The following SUZ12 variants were observed in gnomAD, a reference collection of about 807,000 sequenced individuals.
The protein encoded by SUZ12 is polycomb protein SUZ12.
Under a neutral mutation model 87.3 loss-of-function variants are expected in SUZ12, and 17 were observed. That is an observed-to-expected ratio of 0.19 (90% CI 0.13 to 0.29). The LOEUF (loss-of-function observed/expected upper bound fraction) is 0.29, where lower values mean the gene tolerates loss of function less well. Among genes scored for constraint, SUZ12 ranks in the 10% least tolerant of loss-of-function variants. The pLI, the probability that SUZ12 is intolerant of heterozygous loss-of-function variation, is 1.00. For synonymous variants in SUZ12, 253 were observed against 312.4 expected, an observed-to-expected ratio of 0.81 and a Z score of 2.01; for missense variants, 526 against 912.2, an observed-to-expected ratio of 0.58 and a Z score of 5.45.
At chr17:31,962,367 G>C (rs186812409) in intron 4 of SUZ12, among the ~76,000 whole-genome samples, 3 of 152,304 alleles carry the variant, frequency 2.0e-5, no homozygotes, top group Admixed American at 2.0e-4. Context: ...GAGGCAGGTG[G>C]ATCTCTTGAT....
chr17:31,940,712 T>A (rs1255226274), intron 3 of SUZ12, among the ~76,000 whole-genome samples: 3 of 151,832 alleles, frequency 2.0e-5, no homozygotes, highest in Non-Finnish European at 4.4e-5. Flanking sequence ...TTTTTTTTTT[T>A]ATCCTCTAAT....
At chr17:31,958,944 G>A (rs1907533845) in intron 4 of SUZ12, among the ~76,000 whole-genome samples, 1 of 152,236 alleles carries the variant, frequency 6.6e-6, no homozygotes, top group East Asian at 1.9e-4. Flanking sequence ...CTTGAACCCA[G>A]GAGGTGGAGG....
intron 1 of SUZ12, among the ~76,000 whole-genome samples, chr17:31,939,010 A>G (rs1325422336): frequency 6.6e-6 from 1 of 152,212 alleles, no homozygotes; most frequent in African/African-American, 2.4e-5. Flanking sequence ...CGTGACACTA[A>G]TAGGTCATTA....
At chr17:31,946,323 G>C (rs2627072) in intron 3 of SUZ12, among the ~76,000 whole-genome samples, 2 of 152,084 alleles carry the variant, frequency 1.3e-5, no homozygotes, top group East Asian at 1.9e-4. Context: ...CACCTGAGGT[G>C]AGGAGTTCAA....
chr17:31,981,751 AT>A (rs1270577727), intron 8 of SUZ12, among the ~76,000 whole-genome samples: 1 of 152,198 alleles, frequency 6.6e-6, no homozygotes, highest in East Asian at 1.9e-4. Context: ...ACCTGGATTC[AT>A]TTGCTGGATC....
intron 8 of SUZ12, among the ~76,000 whole-genome samples, chr17:31,980,423 C>A (rs1226802807): frequency 8.0e-6 from 1 of 125,132 alleles, no homozygotes; most frequent in Non-Finnish European, 1.7e-5. Context: ...CCAGAATCAC[C>A]TTCTCCTTTT....
chr17:31,952,853 G>A (rs758067565), intron 4 of SUZ12, among the ~76,000 whole-genome samples: 3 of 152,024 alleles, frequency 2.0e-5, no homozygotes, highest in African/African-American at 4.8e-5. Context: ...GTGTGGCACC[G>A]TGCCTGTCCC....
chr17:31,950,906 G>A (rs1598152181), intron 4 of SUZ12, among the ~76,000 whole-genome samples: 1 of 151,808 alleles, frequency 6.6e-6, no homozygotes, highest in Non-Finnish European at 1.5e-5. Flanking sequence ...TCAGCCTCCC[G>A]AGTAGCTGGG....
At chr17:31,960,454 C>T (rs1474279205) in intron 4 of SUZ12, among the ~76,000 whole-genome samples, 1 of 152,032 alleles carries the variant, frequency 6.6e-6, no homozygotes, top group Non-Finnish European at 1.5e-5. Context: ...TGTGATCTGC[C>T]CGCCTCGGCC....
At chr17:31,940,710 T>C (rs532367642) in intron 3 of SUZ12, among the ~76,000 whole-genome samples, 1 of 152,068 alleles carries the variant, frequency 6.6e-6, no homozygotes, top group East Asian at 1.9e-4. Context: ...GCTTTTTTTT[T>C]TTATCCTCTA....
chr17:31,945,558 C>T (rs568969777), intron 3 of SUZ12, among the ~76,000 whole-genome samples: 8 of 152,286 alleles, frequency 5.3e-5, no homozygotes, highest in African/African-American at 1.2e-4. Flanking sequence ...TGCTCCTTTT[C>T]GATGACCTTT....
Position 31,999,087 on chromosome 17 carries a change from A to G in SUZ12, c.*84A>G. 1 of 1,223,678 alleles carries G rather than the reference A, an allele frequency of 8.2e-7. No individual in the cohort carries two copies. The highest frequency in any genetic ancestry group is 1.1e-6 in the Non-Finnish European group (1 of 906,930). The allele number at this position is 1,223,678 out of a possible 1,614,324, so 75.8% of individuals were successfully genotyped here. A position where few individuals can be genotyped will look rare whatever the true frequency, so the allele number is the denominator to read the frequency against. On this transcript the variant is annotated 3_prime_UTR_variant, in exon 16 of 16. Transcript: ENST00000322652. ...TCTAAGAATTATGTTTTTGTTTTTA[A>G]TCATATGTTCCAAACAGGCACTGTT...
In SUZ12 at chr17:31,995,666, C is replaced by T. The variant is rs11551268; in HGVS notation, c.1698C>T (p.Phe566=). The T allele has an allele frequency of 6.2e-7, 1 of 1,613,816 alleles. No individual in the cohort carries two copies. Among genetic ancestry groups the T allele is most frequent in the Admixed American group, 1.7e-5 (1 of 60,016 alleles). The part of the protein sequence containing the change: ...TYSSGHNRLY[F]HSDTCLPLRP... ...GTAGTGGCCACAATCGTCTGTATTT[C>T]CATAGTGATACCTGCTTACCTCTCC... Residue 566 remains phenylalanine, a synonymous_variant, in exon 14 of 16, where the codon TTC becomes TTT. Transcript: ENST00000322652.
chr17:31,947,383 G>A (rs1598149525), intron 3 of SUZ12, among the ~76,000 whole-genome samples: 1 of 152,204 alleles, frequency 6.6e-6, no homozygotes, highest in Middle Eastern at 3.4e-3. Context: ...GGGAATAATT[G>A]GGTAAAAGGT....
At chr17:31,955,046 A>G (rs1228654117) in intron 4 of SUZ12, among the ~76,000 whole-genome samples, 1 of 152,116 alleles carries the variant, frequency 6.6e-6, no homozygotes, top group Non-Finnish European at 1.5e-5. Flanking sequence ...GAGTGCAGTG[A>G]TAGGTTCATA....
At position 31,979,103 on chromosome 17, in the gene SUZ12, C is replaced by CAAAAAAA. The variant is rs61307349; in HGVS notation, c.917+2505_917+2511dup. On this transcript the variant is annotated intron_variant, in intron 8 of 15. Coordinates refer to ENST00000322652, the MANE Select transcript of SUZ12 (RefSeq NM_015355.4). ...CCTGGTGACAGCGAGACTGTGTCTC[C>CAAAAAAA]AAAAAAAAAAAAAAAAAAAAAAGAA... Among the ~76,000 whole-genome samples the CAAAAAAA allele has an allele frequency of 2.7e-3, 174 of 65,180 alleles. 1 individual carries two copies. Among genetic ancestry groups the CAAAAAAA allele is most frequent in the African/African-American group, 3.7e-3 (83 of 22,258 alleles). The allele number at this position is 65,180 out of a possible 152,430, so 42.8% of individuals were successfully genotyped here. A position where few individuals can be genotyped will look rare whatever the true frequency, so the allele number is the denominator to read the frequency against.
chr17:31,964,237 G>T (rs957612249), intron 4 of SUZ12, among the ~76,000 whole-genome samples: 2 of 151,910 alleles, frequency 1.3e-5, no homozygotes, highest in African/African-American at 2.4e-5. Flanking sequence ...GTGTTAGCCA[G>T]GATAGTCTTC....
At chr17:31,987,334 C>A (rs76481064) in intron 9 of SUZ12, among the ~76,000 whole-genome samples, 1 of 152,064 alleles carries the variant, frequency 6.6e-6, no homozygotes, top group African/African-American at 2.4e-5. Flanking sequence ...ATTGGAGATA[C>A]GAGTTTACAG....
At chr17:31,949,932 C>G (rs1210344018) in intron 4 of SUZ12, among the ~76,000 whole-genome samples, 1 of 152,002 alleles carries the variant, frequency 6.6e-6, no homozygotes. Context: ...ATCTGCCTGC[C>G]TTGGCCTCCT....
Sources: allele counts gnomAD v4.1 joint callset (sites outside exome capture counted in the v4.1 genomes callset), GRCh38; gene constraint gnomAD v4.1.1; transcripts MANE v1.5; gene names NCBI Gene and HGNC (gene_info 2026-07-23, HGNC 2026-07-21).